The following HS3ST1 variants were observed in gnomAD, a reference collection of about 807,000 sequenced individuals.
HS3ST1 encodes the protein heparan sulfate glucosamine 3-O-sulfotransferase 1.
In HS3ST1, 8 loss-of-function variants were observed where a neutral mutation model predicts 20.7. The ratio of observed to expected loss-of-function variants is 0.39; its 90% CI spans 0.23 to 0.70. HS3ST1 has a LOEUF of 0.70. Among genes scored for constraint, HS3ST1 ranks in the 30% least tolerant of loss-of-function variants. The pLI is 0.46. For missense variants in HS3ST1, 436 were observed against 423.4 expected (o/e 1.03, Z -0.26); for synonymous variants, 205 against 190.4 (o/e 1.08, Z -0.63).
Position 11,399,341 on chromosome 4 carries a change from CT to C in HS3ST1, c.664del (p.Arg222GlyfsTer14). On this transcript the variant is annotated frameshift_variant, in exon 2 of 2. Transcript: ENST00000002596. LOFTEE classifies it high-confidence loss of function. This position sits in a 1 kb window ranked among gnomAD's most constrained non-coding sequence, Gnocchi z 5.1. Reference protein sequence around the residue: ...IHIVDGDRLIRDPFPEIQKVE... With the variant: ...IHIVDGDRLIXDPFPEIQKVE... ...CTTTTGGATCTCAGGGAAGGGGTCC[CT>C]GATGAGGCGGTCGCCGTCCACAATG... is the stretch of plus-strand genomic sequence containing the variant. 6.2e-7 allele frequency: 1 copy of C among 1,614,084 alleles called. No individual in the cohort carries two copies. Among genetic ancestry groups the C allele is most frequent in the Non-Finnish European group, 8.5e-7 (1 of 1,180,028 alleles).
Position 11,398,521 on chromosome 4 carries a change from G to A in HS3ST1, c.*561C>T, listed in dbSNP as rs1718207894. 1 of 152,242 alleles carries A rather than the reference G, an allele frequency of 6.6e-6. No homozygotes were observed. Among genetic ancestry groups the A allele is most frequent in the South Asian group, 2.1e-4 (1 of 4,820 alleles). The allele number at this position is 152,242 out of a possible 1,614,324, so 9.4% of individuals were successfully genotyped here. On this transcript the variant is annotated 3_prime_UTR_variant, in exon 2 of 2. Coordinates refer to ENST00000002596, the MANE Select transcript of HS3ST1 (RefSeq NM_005114.4). Reference sequence around the variant, plus strand: ...CTTTGTTTACTTGAAGTTTACACATGGGAATGAGTAAAACTGTGACCTCCA... The same window carrying A: ...CTTTGTTTACTTGAAGTTTACACATAGGAATGAGTAAAACTGTGACCTCCA...
intron 1 of HS3ST1, among the ~76,000 whole-genome samples, chr4:11,428,157 T>A (rs1719111179): frequency 6.8e-6 from 1 of 146,528 alleles, no homozygotes; most frequent in Non-Finnish European, 1.5e-5. Flanking sequence ...TTGTCAGGGC[T>A]GTCACCTCAA....
chr4:11,406,164 C>A (rs1047268293), intron 1 of HS3ST1, among the ~76,000 whole-genome samples: 23 of 152,212 alleles, frequency 1.5e-4, no homozygotes, highest in African/African-American at 5.5e-4. Flanking sequence ...TCACTGGGTG[C>A]CAGGTGGTAA....
At chr4:11,410,217 G>A (rs1411818138) in intron 1 of HS3ST1, among the ~76,000 whole-genome samples, 1 of 152,140 alleles carries the variant, frequency 6.6e-6, no homozygotes, top group Non-Finnish European at 1.5e-5. Flanking sequence ...TCCTCAAGGA[G>A]CACCTTATAA....
At chr4:11,428,648 C>T (rs1719132538) in intron 1 of HS3ST1, 51 bp downstream of exon 1, 2 of 152,678 alleles carry the variant, frequency 1.3e-5, no homozygotes, top group Non-Finnish European at 2.9e-5. Flanking sequence ...ACCTCGGAGC[C>T]CTCTACACCT....
intron 1 of HS3ST1, among the ~76,000 whole-genome samples, chr4:11,404,467 A>G (rs1577438033): frequency 1.3e-5 from 2 of 152,214 alleles, no homozygotes; most frequent in Non-Finnish European, 2.9e-5. Context: ...GCTGGTGGCA[A>G]TTGAGTTAGA....
chr4:11,425,652 T>C (rs1448713108), intron 1 of HS3ST1, among the ~76,000 whole-genome samples: 1 of 152,236 alleles, frequency 6.6e-6, no homozygotes, highest in East Asian at 1.9e-4. Flanking sequence ...AACATTAAAA[T>C]AGATCTACGA....
chr4:11,413,429 A>G (rs1200117986), intron 1 of HS3ST1, among the ~76,000 whole-genome samples: 3 of 152,102 alleles, frequency 2.0e-5, no homozygotes, highest in Admixed American at 2.0e-4. Context: ...ACAGGGGTCT[A>G]GTTTCCTGGT....
intron 1 of HS3ST1, among the ~76,000 whole-genome samples, chr4:11,424,466 G>A (rs143933406): frequency 6.6e-6 from 1 of 152,190 alleles, no homozygotes; most frequent in Non-Finnish European, 1.5e-5. Flanking sequence ...AGACAGGCCT[G>A]AAGATGAATG....
chr4:11,426,455 G>GT (rs971363290), intron 1 of HS3ST1, among the ~76,000 whole-genome samples: 8 of 147,734 alleles, frequency 5.4e-5, no homozygotes, highest in South Asian at 2.1e-4. Flanking sequence ...GGGGACCCAG[G>GT]GGGGGGGCTT....
intron 1 of HS3ST1, among the ~76,000 whole-genome samples, chr4:11,416,046 A>T (rs1227790743): frequency 1.3e-5 from 2 of 152,172 alleles, no homozygotes; most frequent in Non-Finnish European, 2.9e-5. Context: ...GCTGATGCAC[A>T]TAAGAACTCC....
rs975454953 is a variant in HS3ST1, at chr4:11,399,629, G to A, written c.377C>T (p.Ser126Leu). 3.7e-6 allele frequency: 6 copies of A among 1,613,858 alleles called. No individual in the cohort carries two copies. Among genetic ancestry groups the A allele is most frequent in the African/African-American group, 2.7e-5 (2 of 74,936 alleles). The change falls in exon 2 of 2, where the codon TCG becomes TTG. Residue 126 changes from serine (S) to leucine (L), a missense_variant. Ser to Leu is a moderately radical substitution (Grantham distance 145, BLOSUM62 -2). Coordinates refer to ENST00000002596, the MANE Select transcript of HS3ST1 (RefSeq NM_005114.4). The surrounding 1 kb of genome is among the most constrained non-coding windows in gnomAD (Gnocchi z 5.1). ...GTAGACTCGCTCAGGCACTTTGGGC[G>A]ACGTGAAATACGCGGGGGTCTTCTC... ...TVEKTPAYFTSPKVPERVYSM... is the reference protein window; with the variant it reads ...TVEKTPAYFTLPKVPERVYSM...
rs561783570 is a variant in HS3ST1, at chr4:11,399,135, C to T, written c.871G>A (p.Glu291Lys). Residue 291 changes from glutamate (E) to lysine (K), a missense_variant, in exon 2 of 2, where the codon GAG (glutamate) becomes AAG (lysine). By Grantham distance (56) the Glu-to-Lys change is moderately conservative. Coordinates refer to ENST00000002596, the MANE Select transcript of HS3ST1 (RefSeq NM_005114.4). This position sits in a 1 kb window ranked among gnomAD's most constrained non-coding sequence, Gnocchi z 5.1. The stretch of plus-strand genomic sequence containing the variant: ...AGCTCGAAGAACTTCTTATTTGGCT[C>T]ATGAAAATATTCGTGCAGTTTATTG... ...LLNKLHEYFH[E>K]PNKKFFELVG... 6 of 1,614,052 alleles carry T rather than the reference C, an allele frequency of 3.7e-6. No homozygotes were observed. The highest frequency in any genetic ancestry group is 4.5e-5 in the East Asian group (2 of 44,876).
intron 1 of HS3ST1, among the ~76,000 whole-genome samples, chr4:11,426,595 G>T (rs1719067963): frequency 1.3e-5 from 2 of 152,114 alleles, no homozygotes; most frequent in South Asian, 4.1e-4. Context: ...ACAGAGCATT[G>T]TATACCCTGT....
intron 1 of HS3ST1, among the ~76,000 whole-genome samples, chr4:11,410,239 C>T (rs1178277643): frequency 1.3e-5 from 2 of 152,050 alleles, no homozygotes; most frequent in Non-Finnish European, 2.9e-5. Context: ...GTGGAAGATG[C>T]ACGTGGAAGG....
chr4:11,405,416 G>A (rs1014942790), intron 1 of HS3ST1, among the ~76,000 whole-genome samples: 1 of 152,152 alleles, frequency 6.6e-6, no homozygotes, highest in Non-Finnish European at 1.5e-5. Flanking sequence ...CTTCCAGATG[G>A]AGGCTTCCCT....
Position 11,396,311 on chromosome 4 carries a change from C to G in HS3ST1, c.*2771G>C, listed in dbSNP as rs1187421826. On this transcript the variant is annotated 3_prime_UTR_variant, in exon 2 of 2. Transcript: ENST00000002596. Reference sequence around the variant, plus strand: ...AGGAAGGGAAAGGGAAGGGGCTGTTCTGACTCTGGAGTGTCAAGTGTGTGA... The same window carrying G: ...AGGAAGGGAAAGGGAAGGGGCTGTTGTGACTCTGGAGTGTCAAGTGTGTGA... 2 of 152,310 alleles carry G rather than the reference C, an allele frequency of 1.3e-5. No homozygotes were observed. Among genetic ancestry groups the G allele is most frequent in the Admixed American group, 6.5e-5 (1 of 15,278 alleles). 9.4% of individuals were successfully genotyped at this position (152,310 alleles called of 1,614,324 possible).
At chr4:11,426,680 T>C (rs556875064) in intron 1 of HS3ST1, among the ~76,000 whole-genome samples, 1 of 152,332 alleles carries the variant, frequency 6.6e-6, no homozygotes, top group East Asian at 1.9e-4. Context: ...TATGCTGCTG[T>C]TGTAATTAAC....
At chr4:11,404,750 A>G (rs1718416197) in intron 1 of HS3ST1, among the ~76,000 whole-genome samples, 1 of 152,222 alleles carries the variant, frequency 6.6e-6, no homozygotes, top group African/African-American at 2.4e-5. Context: ...TGGATACAGA[A>G]TTCTCTATAG....
Sources: gnomAD v4.1 joint callset for allele counts (sites outside exome capture counted in the v4.1 genomes callset) on GRCh38, gnomAD v4.1.1 for gene constraint, Gnocchi (gnomAD v3.1) non-coding constraint, MANE v1.5 for transcripts, NCBI Gene and HGNC (gene_info 2026-07-23, HGNC 2026-07-21) for gene names.